AP3B2: variants seen among roughly 807,000 people sequenced by gnomAD.
The protein encoded by AP3B2 is adaptor related protein complex 3 subunit beta 2.
AP3B2 carries 50 observed loss-of-function variants against 126.9 expected under a neutral mutation model. The observed-to-expected ratio is 0.39, with a 90% confidence interval of 0.31 to 0.50. The LOEUF is 0.50. Ranked by LOEUF, AP3B2 falls within the 20% of genes least tolerant of loss-of-function variation. AP3B2 has a pLI of 0.79. For missense variants in AP3B2, 1,177 were observed against 1,426.4 expected, an observed-to-expected ratio of 0.83 and a Z score of 2.82; for synonymous variants, 541 against 565.0, an observed-to-expected ratio of 0.96 and a Z score of 0.60.
Position 82,665,096 on chromosome 15 carries a change from C to T in AP3B2, c.2028+151G>A. On this transcript the variant is annotated intron_variant, in intron 17 of 26. Coordinates refer to ENST00000535359, the MANE Select transcript of AP3B2 (RefSeq NM_001278512.2). The surrounding 1 kb of genome is among the most constrained non-coding windows in gnomAD (Gnocchi z 4.4). ...CAGAGGAGGAAGAAAGGGGCACTGT[C>T]CATGGAGGGGAGGGAATGCTGCTCA... 9.7e-7 allele frequency: 1 copy of T among 1,029,718 alleles called. No individual in the cohort carries two copies. The highest frequency in any genetic ancestry group is 2.6e-5 in the East Asian group (1 of 38,480). 63.8% of individuals were successfully genotyped at this position (1,029,718 alleles called of 1,614,324 possible).
Position 82,665,120 on chromosome 15 carries a change from C to T in AP3B2, c.2028+127G>A. On this transcript the variant is annotated intron_variant, in intron 17 of 26. Coordinates refer to ENST00000535359, the MANE Select transcript of AP3B2 (RefSeq NM_001278512.2). The surrounding 1 kb of genome is among the most constrained non-coding windows in gnomAD (Gnocchi z 4.4). ...TCCATGGAGGGGAGGGAATGCTGCT[C>T]ACAGAGGAGCACTGCCAAACCAAGG... The T allele has an allele frequency of 8.8e-7, 1 of 1,140,938 alleles. No homozygotes were observed. Among genetic ancestry groups the T allele is most frequent in the Non-Finnish European group, 1.3e-6 (1 of 796,102 alleles). The allele number at this position is 1,140,938 out of a possible 1,614,324, so 70.7% of individuals were successfully genotyped here. A position where few individuals can be genotyped will look rare whatever the true frequency, so the allele number is the denominator to read the frequency against.
chr15:82,693,943 C>T (rs559571807), intron 1 of AP3B2, among the ~76,000 whole-genome samples: 2 of 151,790 alleles, frequency 1.3e-5, no homozygotes, highest in Admixed American at 6.6e-5. Context: ...TCAGTTGATC[C>T]GCCCACCTCA....
At chr15:82,694,030 G>C (rs2048592973) in intron 1 of AP3B2, among the ~76,000 whole-genome samples, 1 of 136,510 alleles carries the variant, frequency 7.3e-6, no homozygotes, top group Non-Finnish European at 1.6e-5. Flanking sequence ...TTGAGACGAA[G>C]TCTCGCTCTG....
chr15:82,693,306 G>T (rs1195032811), intron 1 of AP3B2, among the ~76,000 whole-genome samples: 1 of 151,204 alleles, frequency 6.6e-6, no homozygotes, highest in Non-Finnish European at 1.5e-5. Flanking sequence ...GAGTGCAATG[G>T]CACGATCTCG....
rs764375032 is a variant in AP3B2, at chr15:82,680,921, G to C, written c.687C>G (p.Ile229Met). 3 of 1,613,952 alleles carry C rather than the reference G, an allele frequency of 1.9e-6. No individual in the cohort carries two copies. The South Asian group carries it at 3.3e-5, about 18-fold the overall frequency. The change falls in exon 7 of 27, where the codon ATC (isoleucine) becomes ATG (methionine). Residue 229 changes from isoleucine (I) to methionine (M), a missense_variant. Ile to Met is a conservative substitution (Grantham distance 10, BLOSUM62 1). Around this residue, in one of 5 missense-constraint regions of AP3B2, gnomAD observed 103 missense variants for 101.4 expected, o/e 1.02. Transcript: ENST00000535359. This position sits in a 1 kb window ranked among gnomAD's most constrained non-coding sequence, Gnocchi z 6.1. ...KNYRKLCNLL[I>M]DVEEWGQVVI... The stretch of plus-strand genomic sequence containing the variant: ...CCACCTGGCCCCACTCCTCCACGTC[G>C]ATCAGCAGGTTACAGAGTTTCCGGT...
At position 82,680,818 on chromosome 15, in the gene AP3B2, CT is replaced by C. The variant is rs760275342; in HGVS notation, c.771+18del. ...CGGGACACACTTCGGCCCGCTCTGC[CT>C]GGGCTGGGCCCACTTACGTTCTGGG... On this transcript the variant is annotated intron_variant, in intron 7 of 26. Transcript: ENST00000535359. This position sits in a 1 kb window ranked among gnomAD's most constrained non-coding sequence, Gnocchi z 6.1. 1.0e-3 allele frequency: 1,637 copies of C among 1,612,892 alleles called. No individual in the cohort carries two copies. Among genetic ancestry groups the C allele is most frequent in the Non-Finnish European group, 1.3e-3 (1,580 of 1,179,396 alleles).
intron 15 of AP3B2, among the ~76,000 whole-genome samples, chr15:82,666,115 C>T (rs981761515): frequency 2.6e-5 from 4 of 152,192 alleles, no homozygotes; most frequent in Admixed American, 2.0e-4. Context: ...GAAAAGATAC[C>T]CAGAAGAACT....
rs1286599044 is a variant in AP3B2 at position 82,659,332 on chromosome 15, G to T, written c.*228C>A. ...GCTACATAAATAGCTACAGAAATCT[G>T]GGAGGACTGAAGGGAGTGGCTGCCA... On this transcript the variant is annotated 3_prime_UTR_variant, in exon 27 of 27. Coordinates refer to ENST00000535359, the MANE Select transcript of AP3B2 (RefSeq NM_001278512.2). The T allele has an allele frequency of 6.0e-6, 3 of 503,634 alleles. No individual in the cohort carries two copies. Among genetic ancestry groups the T allele is most frequent in the Non-Finnish European group, 1.1e-5 (3 of 285,344 alleles). The allele number at this position is 503,634 out of a possible 1,614,324, so 31.2% of individuals were successfully genotyped here.
intron 14 of AP3B2, among the ~76,000 whole-genome samples, chr15:82,670,148 C>A (rs1156761399): frequency 8.6e-6 from 1 of 116,850 alleles, no homozygotes; most frequent in African/African-American, 3.3e-5. Context: ...TCGCTCTTGT[C>A]CCCTAGGCTG....
intron 1 of AP3B2, chr15:82,691,994 C>T: frequency 6.9e-7 from 1 of 1,453,194 alleles, no homozygotes; most frequent in Non-Finnish European, 9.6e-7. Context: ...CCCAACTTCT[C>T]GCATGTGATC....
Position 82,677,382 on chromosome 15 carries a change from C to T in AP3B2, c.1380G>A (p.Glu460=). 1.2e-6 allele frequency: 2 copies of T among 1,613,260 alleles called. No individual in the cohort carries two copies. The highest frequency in any genetic ancestry group is 1.7e-6 in the Non-Finnish European group (2 of 1,179,568). ...CGACCACTGACTCTGCAACCACAAG[C>T]TCTACAGAACAAAAATGAGTGTGTG... is the stretch of plus-strand genomic sequence containing the variant. ...GLVQLLSNRD[E]LVVAESVVVI... is the part of the protein sequence containing the mutation. Residue 460 remains glutamate, a splice_region_variant and synonymous_variant, in exon 13 of 27, where the codon GAG becomes GAA. Transcript: ENST00000535359.
At chr15:82,687,377 T>G (rs554395670) in intron 4 of AP3B2, 2 of 152,210 alleles carry the variant, frequency 1.3e-5, no homozygotes, top group Non-Finnish European at 2.9e-5. Context: ...AGAAAGAAAT[T>G]ATCACATTGA....
chr15:82,677,975 C>T (rs2048272024), intron 11 of AP3B2, 130 bp downstream of exon 11: 1 of 1,369,324 alleles, frequency 7.3e-7, no homozygotes. Context: ...GCCAGCCAAA[C>T]ACATTGGAAC....
intron 14 of AP3B2, among the ~76,000 whole-genome samples, chr15:82,670,306 C>T (rs889215118): frequency 5.3e-5 from 8 of 152,180 alleles, no homozygotes; most frequent in Admixed American, 2.6e-4. Flanking sequence ...GACAGGGTTT[C>T]GCCATGCTGG....
rs1293705375 is a variant in AP3B2 at position 82,680,737 on chromosome 15, T to G, written c.790A>C (p.Asn264His). The G allele has an allele frequency of 6.4e-7, 1 of 1,570,082 alleles. No individual in the cohort carries two copies. Among genetic ancestry groups the G allele is most frequent in the Non-Finnish European group, 8.6e-7 (1 of 1,160,778 alleles). Reference protein sequence around the residue: ...PTQNESLLEENAEKAFYGSEE... With the variant: ...PTQNESLLEEHAEKAFYGSEE... ...GAGCCGTAGAAGGCTTTTTCCGCGT[T>G]CTCCTCTAGTAGGGATTCCTGGACG... The change falls in exon 8 of 27, where the codon AAC (asparagine) becomes CAC (histidine). Residue 264 changes from asparagine (N) to histidine (H), a missense_variant. This residue lies in a region of AP3B2 where 103 missense variants were observed against 101.4 expected (regional missense o/e 1.02). Coordinates refer to ENST00000535359, the MANE Select transcript of AP3B2 (RefSeq NM_001278512.2). This position sits in a 1 kb window ranked among gnomAD's most constrained non-coding sequence, Gnocchi z 6.1.
At position 82,659,970 on chromosome 15, in the gene AP3B2, G is replaced by A. The variant is rs371252070; in HGVS notation, c.3030C>T (p.Gly1010=). 9 of 1,613,890 alleles carry A rather than the reference G, an allele frequency of 5.6e-6. No homozygotes were observed. The East Asian group carries it at 1.3e-4, about 24-fold the overall frequency. ...EFKKEQGKLM[G]MNEITEKLML... is the part of the protein sequence containing the mutation. ...TGAGTTTCTCTGTGATCTCATTCATGCCCATCAGCTTTCCTGGGGGTAGAG... is the reference window on the plus strand; with the variant it reads ...TGAGTTTCTCTGTGATCTCATTCATACCCATCAGCTTTCCTGGGGGTAGAG... The change falls in exon 26 of 27, where the codon GGC becomes GGT. Residue 1010 remains glycine, a synonymous_variant. Transcript: ENST00000535359.
chr15:82,675,917 G>A (rs2048234512), intron 14 of AP3B2, among the ~76,000 whole-genome samples: 1 of 152,068 alleles, frequency 6.6e-6, no homozygotes, highest in African/African-American at 2.4e-5. Context: ...AGACAGCTAG[G>A]AGGCTCTGAA....
chr15:82,688,879 G>A (rs1454408350), intron 3 of AP3B2, 48 bp from the exon 4 acceptor site: 1 of 1,517,628 alleles, frequency 6.6e-7, no homozygotes, highest in Non-Finnish European at 9.0e-7. Context: ...GCAGGCACCT[G>A]TGCCCACCCC....
Position 82,664,530 on chromosome 15 carries a change from G to A in AP3B2, c.2138-40C>T. ...TATGAGGCCTCCTCCCTCATATGCA[G>A]GCCTCCTTGGGTCTGGAGCAGACAC... is the stretch of plus-strand genomic sequence containing the variant. On this transcript the variant is annotated intron_variant, in intron 18 of 26. Transcript: ENST00000535359. This position sits in a 1 kb window ranked among gnomAD's most constrained non-coding sequence, Gnocchi z 4.5. The A allele has an allele frequency of 6.3e-7, 1 of 1,586,468 alleles. No individual in the cohort carries two copies. Among genetic ancestry groups the A allele is most frequent in the Non-Finnish European group, 8.6e-7 (1 of 1,166,956 alleles).
Sources: gnomAD v4.1 joint callset for allele counts (sites outside exome capture counted in the v4.1 genomes callset) on GRCh38, gnomAD v4.1.1 for gene constraint, gnomAD v4.1.1 regional missense constraint, Gnocchi (gnomAD v3.1) non-coding constraint, MANE v1.5 for transcripts, NCBI Gene and HGNC (gene_info 2026-07-23, HGNC 2026-07-21) for gene names.